SIPA1L1: variants seen among roughly 807,000 people sequenced by gnomAD.
The protein encoded by SIPA1L1 is signal-induced proliferation-associated 1-like protein 1.
SIPA1L1 carries 26 observed loss-of-function variants against 162.7 expected under a neutral mutation model. That is an observed-to-expected ratio of 0.16 (90% CI 0.12 to 0.22). The LOEUF (loss-of-function observed/expected upper bound fraction) is 0.22, where lower values mean the gene tolerates loss of function less well. Among genes scored for constraint, SIPA1L1 ranks in the 10% least tolerant of loss-of-function variants. The pLI, the probability that SIPA1L1 is intolerant of heterozygous loss-of-function variation, is 1.00. For missense variants in SIPA1L1, 1,874 were observed against 2,241.0 expected (o/e 0.84, Z 3.31); for synonymous variants, 829 against 837.4 (o/e 0.99, Z 0.17).
chr14:71,700,502 G>A (rs2082001867), intron 14 of SIPA1L1, among the ~76,000 whole-genome samples: 1 of 152,226 alleles, frequency 6.6e-6, no homozygotes, highest in South Asian at 2.1e-4. Context: ...AGGACCCTTA[G>A]GGAGGAGATG....
At chr14:71,728,153 A>G (rs1304135166) in intron 19 of SIPA1L1, among the ~76,000 whole-genome samples, 1 of 152,184 alleles carries the variant, frequency 6.6e-6, no homozygotes, top group East Asian at 1.9e-4. Context: ...GTTTTTTCAT[A>G]CAGAAATCTG....
intron 4 of SIPA1L1, among the ~76,000 whole-genome samples, chr14:71,537,664 T>G (rs866127778): frequency 1.3e-5 from 2 of 152,158 alleles, no homozygotes; most frequent in East Asian, 3.9e-4. Flanking sequence ...CTATCTTTTT[T>G]CCCCTGCATC....
chr14:71,576,637 G>A (rs2033071675), intron 4 of SIPA1L1: 1 of 152,192 alleles, frequency 6.6e-6, no homozygotes, highest in Non-Finnish European at 1.5e-5. Context: ...AATTCTTCAT[G>A]CAGGCTGAGT....
At chr14:71,442,318 A>G (rs1385679675) in intron 2 of SIPA1L1, among the ~76,000 whole-genome samples, 1 of 151,636 alleles carries the variant, frequency 6.6e-6, no homozygotes, top group African/African-American at 2.4e-5. Context: ...TTAATAATGT[A>G]TGTCTTTTCC....
At chr14:71,439,720 A>G (rs1337300207) in intron 2 of SIPA1L1, among the ~76,000 whole-genome samples, 1 of 152,194 alleles carries the variant, frequency 6.6e-6, no homozygotes, top group African/African-American at 2.4e-5. Context: ...TAAATATTTT[A>G]CCACTAATGA....
chr14:71,587,485 T>A (rs1281426589), intron 4 of SIPA1L1, 86 bp from the exon 5 acceptor site: 8 of 400,758 alleles, frequency 2.0e-5, no homozygotes, highest in Non-Finnish European at 2.2e-5. Context: ...TTGAGTCTTT[T>A]ATCTTCATGT....
intron 10 of SIPA1L1, among the ~76,000 whole-genome samples, chr14:71,663,164 A>T (rs1047151174): frequency 2.0e-5 from 3 of 152,212 alleles, no homozygotes; most frequent in African/African-American, 7.2e-5. Context: ...ATTAATGTTG[A>T]CACTGTTTTT....
At chr14:71,469,339 T>C (rs2047267749) in intron 2 of SIPA1L1, among the ~76,000 whole-genome samples, 1 of 152,222 alleles carries the variant, frequency 6.6e-6, no homozygotes, top group Admixed American at 6.5e-5. Context: ...TGCTGTGAAG[T>C]GCAGTACAGA....
intron 17 of SIPA1L1, among the ~76,000 whole-genome samples, chr14:71,719,584 C>G (rs2083534931): frequency 6.6e-6 from 1 of 152,182 alleles, no homozygotes; most frequent in South Asian, 2.1e-4. Context: ...ACTTCCACCT[C>G]CCAGGTTCAA....
chr14:71,439,395 A>G (rs1265149553), intron 2 of SIPA1L1, among the ~76,000 whole-genome samples: 2 of 152,214 alleles, frequency 1.3e-5, no homozygotes, highest in African/African-American at 2.4e-5. Flanking sequence ...AAATTTAATG[A>G]TTCTGAAATG....
At chr14:71,328,084 G>C (rs1298813806) in intron 2 of SIPA1L1, among the ~76,000 whole-genome samples, 1 of 152,150 alleles carries the variant, frequency 6.6e-6, no homozygotes, top group Non-Finnish European at 1.5e-5. Context: ...TTAATGATGA[G>C]TCTCAGTATT....
intron 2 of SIPA1L1, among the ~76,000 whole-genome samples, chr14:71,332,296 T>C (rs2034634662): frequency 6.6e-6 from 1 of 152,206 alleles, no homozygotes; most frequent in African/African-American, 2.4e-5. Context: ...ACATGGTTCC[T>C]GTCCTTGTAT....
chr14:71,411,312 T>C (rs2042387070), intron 2 of SIPA1L1, among the ~76,000 whole-genome samples: 1 of 151,944 alleles, frequency 6.6e-6, no homozygotes, highest in Non-Finnish European at 1.5e-5. Flanking sequence ...AAAAAGGGGG[T>C]AGAGGTTAAA....
intron 4 of SIPA1L1, among the ~76,000 whole-genome samples, chr14:71,585,810 C>T (rs1596282126): frequency 6.6e-6 from 1 of 152,094 alleles, no homozygotes; most frequent in Non-Finnish European, 1.5e-5. Flanking sequence ...TTGAAATAAT[C>T]AGCTTTTGGG....
intron 2 of SIPA1L1, among the ~76,000 whole-genome samples, chr14:71,462,154 T>A (rs1212656365): frequency 6.6e-6 from 1 of 152,196 alleles, no homozygotes; most frequent in Non-Finnish European, 1.5e-5. Context: ...TGACCCATAG[T>A]CAAATGTTCA....
At chr14:71,350,363 G>T (rs901349917) in intron 2 of SIPA1L1, among the ~76,000 whole-genome samples, 1 of 151,936 alleles carries the variant, frequency 6.6e-6, no homozygotes, top group South Asian at 2.1e-4. Flanking sequence ...AGCCGAGATC[G>T]CACCACTGCA....
At chr14:71,469,853 G>A (rs1365392398) in intron 2 of SIPA1L1, among the ~76,000 whole-genome samples, 4 of 152,186 alleles carry the variant, frequency 2.6e-5, no homozygotes, top group Admixed American at 6.5e-5. Context: ...TTGATCAAGC[G>A]TTGGATAATT....
intron 3 of SIPA1L1, 107 bp downstream of exon 3, chr14:71,512,952 T>G (rs2051307362): frequency 6.6e-6 from 1 of 152,436 alleles, no homozygotes; most frequent in Non-Finnish European, 1.5e-5. Context: ...AATCAGACTT[T>G]GAATCCACCT....
intron 2 of SIPA1L1, among the ~76,000 whole-genome samples, chr14:71,382,030 C>T (rs745751015): frequency 6.6e-6 from 1 of 152,138 alleles, no homozygotes; most frequent in Non-Finnish European, 1.5e-5. Flanking sequence ...TGAAGAATGT[C>T]TTTGAATTCC....
Sources: gnomAD v4.1 joint callset for allele counts (sites outside exome capture counted in the v4.1 genomes callset) on GRCh38, gnomAD v4.1.1 for gene constraint, MANE v1.5 for transcripts, NCBI Gene and HGNC (gene_info 2026-07-23, HGNC 2026-07-21) for gene names.